Variants in HDAC10 observed in about 807,000 individuals in gnomAD.
The protein encoded by HDAC10 is histone deacetylase 10.
HDAC10 carries 90 observed loss-of-function variants against 82.3 expected under a neutral mutation model. That is an observed-to-expected ratio of 1.09 (90% CI 0.92 to 1.30). The LOEUF (loss-of-function observed/expected upper bound fraction) is 1.30. Among genes scored for constraint, HDAC10 ranks in the 50% most tolerant of loss-of-function variants. HDAC10 has a pLI of 0.00. For missense variants in HDAC10, 934 were observed against 876.3 expected (o/e 1.07, Z -0.83); for synonymous variants, 456 against 391.7 (o/e 1.16, Z -1.94).
In HDAC10 at chr22:50,250,422, C is replaced by A; in HGVS notation, c.291+5G>T. The stretch of plus-strand genomic sequence containing the variant: ...GCACAGGTGAGTGTGTCCGGGGACA[C>A]GCACCGGGTGGAAGTAGATGGCGTC... On this transcript the variant is annotated splice_donor_5th_base_variant and intron_variant, in intron 3 of 19. Transcript: ENST00000216271. 1 of 1,611,898 alleles carries A rather than the reference C, an allele frequency of 6.2e-7. No individual in the cohort carries two copies.
intron 14 of HDAC10, 66 bp from the exon 15 acceptor site, chr22:50,247,032 A>C: frequency 1.0e-6 from 1 of 986,252 alleles, no homozygotes; most frequent in Non-Finnish European, 1.5e-6. Flanking sequence ...AAACAGATCC[A>C]CAGTTCCCTT....
chr22:50,246,061 C>G lies in HDAC10; in HGVS notation c.1682G>C (p.Gly561Ala), dbSNP rs748875734. ...MTGGFLSCILGLVLPLAYGFQ... is the reference protein window; with the variant it reads ...MTGGFLSCILALVLPLAYGFQ... The stretch of plus-strand genomic sequence containing the variant: ...GCCATAGGCCAGGGGCAGCACCAAG[C>G]CCAAGATGCAGCTCAGGAAACCACC... The change falls in exon 18 of 20, where the codon GGC becomes GCC. Residue 561 changes from glycine (G) to alanine (A), a missense_variant. Transcript: ENST00000216271. 9 of 1,610,684 alleles carry G rather than the reference C, an allele frequency of 5.6e-6. 1 individual carries two copies. The South Asian group carries it at 9.9e-5, about 18-fold the overall frequency.
At chr22:50,246,601 C>G in intron 16 of HDAC10, 78 bp downstream of exon 16, 1 of 1,414,914 alleles carries the variant, frequency 7.1e-7, no homozygotes, top group Non-Finnish European at 9.9e-7. Flanking sequence ...CCACCCGTCA[C>G]CCTGGGGCCC....
chr22:50,246,364 C>G lies in HDAC10; in HGVS notation c.1584G>C (p.Trp528Cys), dbSNP rs771647737. The G allele has an allele frequency of 6.2e-7, 1 of 1,612,398 alleles. No homozygotes were observed. The highest frequency in any genetic ancestry group is 1.3e-5 in the African/African-American group (1 of 75,062). The change falls in exon 17 of 20, where the codon TGG becomes TGC. Residue 528 changes from tryptophan to cysteine, a missense_variant. Coordinates refer to ENST00000216271, the MANE Select transcript of HDAC10 (RefSeq NM_032019.6). Reference sequence around the variant, plus strand: ...CCGCCTCCTTGCCCCTGATGTTCAGCCACAGACTCCTCCTTCCAGGACACA... The same window carrying G: ...CCGCCTCCTTGCCCCTGATGTTCAGGCACAGACTCCTCCTTCCAGGACACA... ...PDLAHDGRSL[W>C]LNIRGKEAAA...
rs771193478 is a variant in HDAC10 at position 50,248,922 on chromosome 22, CAG to C, written c.757-34_757-33del. ...GCCAGGCCGGAGTGGGGAGGGTCGACAGAGAGGGGCTGGAGCCCAGGTGAGGG... is the reference window on the plus strand; with the variant it reads ...GCCAGGCCGGAGTGGGGAGGGTCGACAGAGGGGCTGGAGCCCAGGTGAGGG... On this transcript the variant is annotated intron_variant, in intron 8 of 19. Coordinates refer to ENST00000216271, the MANE Select transcript of HDAC10 (RefSeq NM_032019.6). This position sits in a 1 kb window ranked among gnomAD's most constrained non-coding sequence, Gnocchi z 5.4. 51 of 1,601,452 alleles carry C rather than the reference CAG, an allele frequency of 3.2e-5. No homozygotes were observed. The East Asian group carries it at 8.1e-4, about 25-fold the overall frequency.
rs1297127489 is a variant in HDAC10 at position 50,245,715 on chromosome 22, T to A, written c.1946A>T (p.Tyr649Phe). 6.2e-7 allele frequency: 1 copy of A among 1,613,096 alleles called. No homozygotes were observed. The change falls in exon 19 of 20, where the codon TAC (tyrosine) becomes TTC (phenylalanine). Residue 649 changes from tyrosine to phenylalanine, a missense_variant. By Grantham distance (22) the Tyr-to-Phe change is conservative. Coordinates refer to ENST00000216271, the MANE Select transcript of HDAC10 (RefSeq NM_032019.6). ...ASPEDVQALM[Y>F]LRGQLEPQWK... ...CTGAGGCTCCAGCTGCCCTCTCAGG[T>A]ACATCAGGGCCTGGACGTCCTCTGG...
chr22:50,250,909 G>C lies in HDAC10; in HGVS notation c.60-4C>G. Reference sequence around the variant, plus strand: ...ACGCTCGATCTCGCACTCGGGGCTGGGGCAGATGAGGAGCTCAGTTCAGAG... The same window carrying C: ...ACGCTCGATCTCGCACTCGGGGCTGCGGCAGATGAGGAGCTCAGTTCAGAG... On this transcript the variant is annotated splice_region_variant and splice_polypyrimidine_tract_variant and intron_variant, in intron 1 of 19. Transcript: ENST00000216271. The C allele has an allele frequency of 6.2e-7, 1 of 1,604,104 alleles. No homozygotes were observed. Among genetic ancestry groups the C allele is most frequent in the South Asian group, 1.1e-5 (1 of 89,946 alleles).
rs1352917193 is a variant in HDAC10, at chr22:50,245,890, C to T, written c.1833+20G>A. On this transcript the variant is annotated intron_variant, in intron 18 of 19. Coordinates refer to ENST00000216271, the MANE Select transcript of HDAC10 (RefSeq NM_032019.6). Reference sequence around the variant, plus strand: ...TTTCCCTCGTCCCACCCCGCAGCACCTCCACCCTGCCCAGCTTACCTCCTC... The same window carrying T: ...TTTCCCTCGTCCCACCCCGCAGCACTTCCACCCTGCCCAGCTTACCTCCTC... 6.4e-7 allele frequency: 1 copy of T among 1,558,688 alleles called. No homozygotes were observed. The highest frequency in any genetic ancestry group is 8.7e-7 in the Non-Finnish European group (1 of 1,151,128).
In HDAC10 at chr22:50,248,091, G is replaced by A; in HGVS notation, c.1136C>T (p.Pro379Leu). ...CACTGGACCCCCAGGCAGCAGAGGT[G>A]GAGGCCTCCCCTCTGGGGAGTGGCT... ...PSSHSPEGRP[P>L]PLLPGGPVCK... Residue 379 changes from proline to leucine, a missense_variant, in exon 13 of 20, where the codon CCA becomes CTA. Physicochemically the swap from Pro to Leu is moderately conservative, Grantham distance 98 (BLOSUM62 -3). Coordinates refer to ENST00000216271, the MANE Select transcript of HDAC10 (RefSeq NM_032019.6). The surrounding 1 kb of genome is among the most constrained non-coding windows in gnomAD (Gnocchi z 5.4). The A allele has an allele frequency of 6.3e-7, 1 of 1,598,430 alleles. No homozygotes were observed. Among genetic ancestry groups the A allele is most frequent in the African/African-American group, 1.3e-5 (1 of 74,836 alleles).
At chr22:50,250,287 A>C (rs2065055505) in intron 3 of HDAC10, 127 bp from the exon 4 acceptor site, 1 of 1,212,240 alleles carries the variant, frequency 8.2e-7, no homozygotes, top group South Asian at 1.3e-5. Context: ...AGGCTCTGGC[A>C]GTGCCAGCAG....
chr22:50,250,551 G>T (rs780789201), intron 2 of HDAC10, 28 bp from the exon 3 acceptor site: 5 of 1,571,664 alleles, frequency 3.2e-6, no homozygotes, highest in Non-Finnish European at 4.4e-6. Context: ...GGCAGGAGAG[G>T]CAGGGTCACC....
intron 18 of HDAC10, 36 bp from the exon 19 acceptor site, chr22:50,245,863 C>T (rs1198393006): frequency 1.3e-6 from 2 of 1,554,286 alleles, no homozygotes; most frequent in African/African-American, 2.7e-5. Flanking sequence ...AGTCACTGGT[C>T]CTTTCCCTCG....
chr22:50,250,973 C>A lies in HDAC10; in HGVS notation c.59+1G>T. On this transcript the variant is annotated splice_donor_variant, in intron 1 of 19. Coordinates refer to ENST00000216271, the MANE Select transcript of HDAC10 (RefSeq NM_032019.6). LOFTEE classifies it high-confidence loss of function. ...CCCCACCTCGGCCAGGTCCCACTTA[C>A]TCGTCCCAGAGCAGCCGGGTGGCCG... The A allele has an allele frequency of 6.2e-7, 1 of 1,612,486 alleles. No homozygotes were observed. The highest frequency in any genetic ancestry group is 1.1e-5 in the South Asian group (1 of 91,072).
intron 3 of HDAC10, 125 bp from the exon 4 acceptor site, chr22:50,250,285 G>A: frequency 8.3e-7 from 1 of 1,201,208 alleles, no homozygotes; most frequent in Middle Eastern, 1.9e-4. Flanking sequence ...CCAGGCTCTG[G>A]CAGTGCCAGC....
In HDAC10 at chr22:50,251,071, G is replaced by A; in HGVS notation, c.-39C>T. 1.3e-6 allele frequency: 2 copies of A among 1,578,208 alleles called. No individual in the cohort carries two copies. The highest frequency in any genetic ancestry group is 1.1e-5 in the South Asian group (1 of 88,310). ...TCACCCTGGGTTCCCAAACGCCCTC[G>A]CTAGTGGTGCCTGCCACTGCCTGTC... On this transcript the variant is annotated 5_prime_UTR_variant, in exon 1 of 20. Coordinates refer to ENST00000216271, the MANE Select transcript of HDAC10 (RefSeq NM_032019.6).
At position 50,250,110 on chromosome 22, in the gene HDAC10, C is replaced by T; in HGVS notation, c.342G>A (p.Val114=). Residue 114 remains valine, a synonymous_variant, in exon 4 of 20, where the codon GTG becomes GTA. Coordinates refer to ENST00000216271, the MANE Select transcript of HDAC10 (RefSeq NM_032019.6). ...RLAAGAGLQL[V]DAVLTGAVQN... ...GCACAGCTCCAGTGAGCACAGCGTC[C>T]ACCAGCTGCAGTCCAGCCCCTGCGG... is the stretch of plus-strand genomic sequence containing the variant. 2 of 1,612,724 alleles carry T rather than the reference C, an allele frequency of 1.2e-6. No individual in the cohort carries two copies. The highest frequency in any genetic ancestry group is 1.7e-6 in the Non-Finnish European group (2 of 1,179,942).
chr22:50,248,345 C>A lies in HDAC10; in HGVS notation c.1013+21G>T, dbSNP rs1379035633. On this transcript the variant is annotated intron_variant, in intron 11 of 19. Transcript: ENST00000216271. This position sits in a 1 kb window ranked among gnomAD's most constrained non-coding sequence, Gnocchi z 5.4. Reference sequence around the variant, plus strand: ...ACCTGGTCTCACACCCCGGCCCTGCCCGCCCTACCTCCCCTCGCACCTCTG... The same window carrying A: ...ACCTGGTCTCACACCCCGGCCCTGCACGCCCTACCTCCCCTCGCACCTCTG... 1.2e-6 allele frequency: 2 copies of A among 1,611,362 alleles called. No individual in the cohort carries two copies. Among genetic ancestry groups the A allele is most frequent in the Non-Finnish European group, 8.5e-7 (1 of 1,179,780 alleles).
chr22:50,247,808 C>T (rs1414908657), intron 13 of HDAC10, 32 bp from the exon 14 acceptor site: 1 of 1,612,524 alleles, frequency 6.2e-7, no homozygotes, highest in African/African-American at 1.3e-5. Flanking sequence ...GACACACAGA[C>T]ACGGAGTGAC....
Position 50,250,522 on chromosome 22 carries a change from G to T in HDAC10, c.196C>A (p.Pro66Thr), listed in dbSNP as rs1359765715. 6.2e-7 allele frequency: 1 copy of T among 1,611,896 alleles called. No homozygotes were observed. The highest frequency in any genetic ancestry group is 1.3e-5 in the African/African-American group (1 of 74,890). ...TCCCTGACCAGGGATACATACTCTGGGCTGCATGCAGATGGGCAGGCAGGA... is the reference window on the plus strand; with the variant it reads ...TCCCTGACCAGGGATACATACTCTGTGCTGCATGCAGATGGGCAGGCAGGA... Reference protein sequence around the residue: ...SEEELGLVHSPEYVSLVRETQ... With the variant: ...SEEELGLVHSTEYVSLVRETQ... Residue 66 changes from proline to threonine, a missense_variant and splice_region_variant, in exon 3 of 20, where the codon CCA becomes ACA. Coordinates refer to ENST00000216271, the MANE Select transcript of HDAC10 (RefSeq NM_032019.6).
Sources: allele counts gnomAD v4.1 joint callset, GRCh38; gene constraint gnomAD v4.1.1; non-coding constraint Gnocchi (gnomAD v3.1); transcripts MANE v1.5; gene names NCBI Gene and HGNC (gene_info 2026-07-23, HGNC 2026-07-21).